The following RBPMS variants were observed in gnomAD, a reference collection of about 807,000 sequenced individuals.
RBPMS encodes the protein RNA binding protein, mRNA processing factor.
Under a neutral mutation model 26.8 loss-of-function variants are expected in RBPMS, and 7 were observed. The ratio of observed to expected loss-of-function variants is 0.26; its 90% CI spans 0.15 to 0.49. RBPMS has a LOEUF of 0.49. Ranked by LOEUF, RBPMS falls within the 20% of genes least tolerant of loss-of-function variation. RBPMS has a pLI of 0.98. For missense variants in RBPMS, 186 were observed against 250.0 expected (o/e 0.74, Z 1.73); for synonymous variants, 96 against 93.3 (o/e 1.03, Z -0.17).
chr8:30,542,322 C>T (rs1224594900), intron 5 of RBPMS, among the ~76,000 whole-genome samples: 1 of 152,196 alleles, frequency 6.6e-6, no homozygotes, highest in Non-Finnish European at 1.5e-5. Context: ...ACATAAATTC[C>T]AGCAGTCAGG....
intron 1 of RBPMS, among the ~76,000 whole-genome samples, chr8:30,465,754 A>C (rs1028631223): frequency 6.6e-6 from 1 of 152,174 alleles, no homozygotes; most frequent in African/African-American, 2.4e-5. Context: ...GTGCCACTGC[A>C]CTCCAGCGTG....
intron 4 of RBPMS, among the ~76,000 whole-genome samples, 192 bp from the exon 5 acceptor site, chr8:30,504,094 C>T (rs1015364003): frequency 6.6e-6 from 1 of 152,128 alleles, no homozygotes; most frequent in Non-Finnish European, 1.5e-5. Flanking sequence ...TTTAACTAAA[C>T]TAAATCCCAC....
rs1449308525 is a variant in RBPMS, at chr8:30,558,890, C to T, written c.532C>T (p.Arg178Cys). ...GCCTTCTCCCATGTCTTTTCAGATG[C>T]GCTGGCTCCCTCCCTCCGAGGCTAC... ...TYPASLHAQM[R>C]WLPPSEATSQ... Residue 178 changes from arginine to cysteine, a missense_variant, in exon 7 of 9, where the codon CGC (arginine) becomes TGC (cysteine). Arg to Cys is a radical substitution (Grantham distance 180). Coordinates refer to ENST00000397323, the MANE Select transcript of RBPMS (RefSeq NM_001008710.3). The T allele has an allele frequency of 6.2e-6, 10 of 1,613,848 alleles. No individual in the cohort carries two copies. In the Admixed American group the frequency reaches 6.7e-5, roughly 11 times the overall value.
chr8:30,464,687 G>C (rs1213891173), intron 1 of RBPMS, among the ~76,000 whole-genome samples: 1 of 152,210 alleles, frequency 6.6e-6, no homozygotes, highest in Non-Finnish European at 1.5e-5. Context: ...TAGTTTGAGA[G>C]ATGTGAAATG....
chr8:30,523,028 A>G (rs559408473), intron 5 of RBPMS, among the ~76,000 whole-genome samples: 6 of 152,208 alleles, frequency 3.9e-5, no homozygotes, highest in African/African-American at 7.2e-5. Context: ...CTGTTTTCCT[A>G]TCCCTCAAAA....
chr8:30,461,883 A>G (rs558759471), intron 1 of RBPMS, among the ~76,000 whole-genome samples: 45 of 152,294 alleles, frequency 3.0e-4, no homozygotes, highest in African/African-American at 9.6e-4. Flanking sequence ...CAAGTTACAG[A>G]ACAAGTCCCC....
chr8:30,515,721 TCACAG>T, intron 5 of RBPMS, among the ~76,000 whole-genome samples: 1 of 152,160 alleles, frequency 6.6e-6, no homozygotes, highest in Non-Finnish European at 1.5e-5. Flanking sequence ...AGTGATGCCA[TCACAG>T]CTCACTGCAG....
In RBPMS at chr8:30,526,735, G is replaced by A. The variant is rs76429796; in HGVS notation, c.398-17759G>A. 9.8e-3 allele frequency among the ~76,000 whole-genome samples: 1,490 copies of A among 152,310 alleles called. 23 individuals are homozygous for A. Among genetic ancestry groups the A allele is most frequent in the African/African-American group, 0.031 (1,277 of 41,560 alleles). On this transcript the variant is annotated intron_variant, in intron 5 of 8. Coordinates refer to ENST00000397323, the MANE Select transcript of RBPMS (RefSeq NM_001008710.3). The stretch of plus-strand genomic sequence containing the variant: ...ACTAATTTTACCAAGCTAGGGGTGA[G>A]TTGATGGTGTGCAATAAATTTGGGA...
intron 1 of RBPMS, among the ~76,000 whole-genome samples, chr8:30,417,028 T>A (rs1157394831): frequency 6.6e-6 from 1 of 152,092 alleles, no homozygotes; most frequent in Non-Finnish European, 1.5e-5. Context: ...GCCTTGGCCT[T>A]CCAAAGTACT....
At chr8:30,534,096 T>C (rs2151019224) in intron 5 of RBPMS, among the ~76,000 whole-genome samples, 1 of 151,244 alleles carries the variant, frequency 6.6e-6, no homozygotes, top group Middle Eastern at 3.4e-3. Context: ...ATTGCGCCAC[T>C]GACTCCAGCC....
At chr8:30,468,943 G>A (rs1816802723) in intron 1 of RBPMS, among the ~76,000 whole-genome samples, 1 of 152,168 alleles carries the variant, frequency 6.6e-6, no homozygotes, top group Admixed American at 6.5e-5. Flanking sequence ...GTCATTAGAA[G>A]ATAGTTATCC....
intron 6 of RBPMS, chr8:30,545,187 C>G (rs1272973471): frequency 1.1e-5 from 14 of 1,295,542 alleles, no homozygotes; most frequent in Non-Finnish European, 1.4e-5. Context: ...AAAGGAGATA[C>G]AAGATAGTGT....
At chr8:30,549,687 C>CT (rs1826139828) in intron 6 of RBPMS, 1 of 803,566 alleles carries the variant, frequency 1.2e-6, no homozygotes, top group South Asian at 1.4e-5. Context: ...TGAGAGTGGG[C>CT]TGGGTCTCCT....
intron 1 of RBPMS, among the ~76,000 whole-genome samples, chr8:30,438,618 C>G (rs548380575): frequency 6.6e-6 from 1 of 152,240 alleles, no homozygotes; most frequent in South Asian, 2.1e-4. Flanking sequence ...ATGAGAGAGG[C>G]ATTTGAATGC....
chr8:30,458,980 TGAGACG>T (rs1226618117), intron 1 of RBPMS, among the ~76,000 whole-genome samples: 1 of 149,778 alleles, frequency 6.7e-6, no homozygotes, highest in Non-Finnish European at 1.5e-5. Context: ...TTTTTTTTTT[TGAGACG>T]GAGTCTCACT....
At chr8:30,516,911 C>T (rs1018325266) in intron 5 of RBPMS, among the ~76,000 whole-genome samples, 2 of 151,644 alleles carry the variant, frequency 1.3e-5, no homozygotes, top group African/African-American at 4.8e-5. Context: ...AATACACACA[C>T]ACACACACAC....
chr8:30,415,062 G>A (rs953889224), intron 1 of RBPMS, among the ~76,000 whole-genome samples: 3 of 152,022 alleles, frequency 2.0e-5, no homozygotes, highest in Non-Finnish European at 4.4e-5. Context: ...AGATCCAAGT[G>A]TCTACACCAC....
At chr8:30,412,769 C>T (rs2150585673) in intron 1 of RBPMS, among the ~76,000 whole-genome samples, 1 of 152,224 alleles carries the variant, frequency 6.6e-6, no homozygotes, top group African/African-American at 2.4e-5. Flanking sequence ...AAAATCCACA[C>T]ATATTCAATA....
chr8:30,524,438 T>A (rs545477474), intron 5 of RBPMS, among the ~76,000 whole-genome samples: 18 of 152,180 alleles, frequency 1.2e-4, no homozygotes, highest in Non-Finnish European at 1.9e-4. Context: ...TAAGGAGATA[T>A]GTAGTTTTCC....
Sources: gnomAD v4.1 joint callset for allele counts (sites outside exome capture counted in the v4.1 genomes callset) on GRCh38, gnomAD v4.1.1 for gene constraint, MANE v1.5 for transcripts, NCBI Gene and HGNC (gene_info 2026-07-23, HGNC 2026-07-21) for gene names.